ADCY7: variants seen among roughly 807,000 people sequenced by gnomAD.
ADCY7 encodes adenylate cyclase type 7.
A neutral mutation model predicts 120.6 loss-of-function variants in ADCY7; 72 were observed. The observed-to-expected ratio is 0.60, with a 90% confidence interval of 0.49 to 0.73. ADCY7 has a LOEUF of 0.73. ADCY7 is among the 30% of genes least tolerant of loss of function. ADCY7 has a pLI of 0.00. For synonymous variants in ADCY7, 661 were observed against 628.0 expected (o/e 1.05, Z -0.78); for missense variants, 1,227 against 1,486.0 (o/e 0.83, Z 2.87).
chr16:50,264,503 T>C (rs374460839), upstream of ADCY7, among the ~76,000 whole-genome samples: 1 of 152,226 alleles, frequency 6.6e-6, no homozygotes, highest in Admixed American at 6.5e-5. Flanking sequence ...TGCTGAGTCA[T>C]TGGGGAAGCA....
intron 1 of ADCY7, among the ~76,000 whole-genome samples, chr16:50,257,016 A>G (rs1355815375): frequency 6.6e-6 from 1 of 152,196 alleles, no homozygotes; most frequent in Non-Finnish European, 1.5e-5. Flanking sequence ...AACCTAATGG[A>G]CATTACACTA....
chr16:50,249,524 CT>C (rs1260917282), intron 1 of ADCY7, among the ~76,000 whole-genome samples: 1 of 152,232 alleles, frequency 6.6e-6, no homozygotes, highest in East Asian at 1.9e-4. Context: ...TGGGTTCCCC[CT>C]GAGCCCTGGT....
rs1447423859 is a variant in ADCY7 at position 50,312,875 on chromosome 16, T to G, written c.2605-15T>G. 1 of 1,608,910 alleles carries G rather than the reference T, an allele frequency of 6.2e-7. No individual in the cohort carries two copies. The highest frequency in any genetic ancestry group is 1.3e-5 in the African/African-American group (1 of 74,686). ...AGAGGTGAAGTGGTGTAAGGTCCGG[T>G]TTCTTCCCATCCAGGACTGGTACCA... On this transcript the variant is annotated splice_polypyrimidine_tract_variant and intron_variant, in intron 21 of 25. Transcript: ENST00000673801.
chr16:50,314,887 C>T (rs1487089777), intron 24 of ADCY7, 127 bp from the exon 25 acceptor site: 3 of 1,362,110 alleles, frequency 2.2e-6, no homozygotes, highest in Non-Finnish European at 3.0e-6. Context: ...TGGGAAGCAA[C>T]CCAGCCTTCA....
At chr16:50,251,775 C>T (rs2032763772) in intron 1 of ADCY7, among the ~76,000 whole-genome samples, 2 of 152,202 alleles carry the variant, frequency 1.3e-5, no homozygotes, top group Admixed American at 1.3e-4. Flanking sequence ...ATTGTCCCCG[C>T]CTGGCCTCCG....
At chr16:50,311,642 G>A in intron 19 of ADCY7, 51 bp from the exon 20 acceptor site, 7 of 1,305,262 alleles carry the variant, frequency 5.4e-6, no homozygotes, top group Non-Finnish European at 7.8e-6. Context: ...ATGACTCAGT[G>A]GGTTGGAGTG....
chr16:50,259,322 G>C (rs535044062), intron 1 of ADCY7, among the ~76,000 whole-genome samples: 144 of 152,352 alleles, frequency 9.5e-4, no homozygotes, highest in African/African-American at 3.2e-3. Flanking sequence ...TGAGGATCTG[G>C]TGGGAGGGAC....
intron 7 of ADCY7, among the ~76,000 whole-genome samples, chr16:50,295,490 G>T: frequency 6.6e-6 from 1 of 150,818 alleles, no homozygotes. Context: ...CACCACTCCT[G>T]GCCCACCTTA....
chr16:50,300,609 G>A (rs934871544), intron 8 of ADCY7, 106 bp from the exon 9 acceptor site: 29 of 1,355,528 alleles, frequency 2.1e-5, no homozygotes, highest in African/African-American at 4.3e-5. Context: ...TGGGCTGAGC[G>A]CCTGCCCTGT....
At chr16:50,291,967 C>T (rs2035009533) in intron 4 of ADCY7, 70 bp downstream of exon 4, 1 of 1,506,848 alleles carries the variant, frequency 6.6e-7, no homozygotes. Context: ...GGGGGGCCCC[C>T]TCTGGGTGAA....
At chr16:50,277,169 A>T (rs1041697094) in intron 1 of ADCY7, among the ~76,000 whole-genome samples, 1 of 152,148 alleles carries the variant, frequency 6.6e-6, no homozygotes, top group Non-Finnish European at 1.5e-5. Context: ...ATAGTATTCC[A>T]TTGTAAGGTT....
In ADCY7 at chr16:50,315,003, A is replaced by T; in HGVS notation, c.2972-11A>T. ...CCTGCACGCTTGGGTAACTGTAAAC[A>T]TCATCTTCAGGCATAAACCATGGGC... On this transcript the variant is annotated splice_polypyrimidine_tract_variant and intron_variant, in intron 24 of 25. Transcript: ENST00000673801. 1.2e-6 allele frequency: 2 copies of T among 1,614,096 alleles called. No homozygotes were observed. Among genetic ancestry groups the T allele is most frequent in the Non-Finnish European group, 1.7e-6 (2 of 1,179,974 alleles).
chr16:50,294,226 G>A (rs546862083), intron 6 of ADCY7, among the ~76,000 whole-genome samples: 26 of 152,286 alleles, frequency 1.7e-4, no homozygotes, highest in African/African-American at 5.1e-4. Context: ...GTGAGGACTC[G>A]ATGCCTGTAA....
chr16:50,307,172 G>A (rs748897553), intron 15 of ADCY7, 25 bp downstream of exon 15: 15 of 1,599,790 alleles, frequency 9.4e-6, no homozygotes, highest in East Asian at 2.2e-5. Flanking sequence ...GGGGTGTGGG[G>A]GTCCGGCCTG....
At chr16:50,266,412 G>T, upstream of ADCY7, 1 of 153,222 alleles carries the variant, frequency 6.5e-6, no homozygotes, top group South Asian at 1.8e-4. Context: ...CCCAGGCTGC[G>T]GAGAGCAGCA....
At chr16:50,287,132 C>T (rs1311160086) in intron 1 of ADCY7, among the ~76,000 whole-genome samples, 1 of 151,914 alleles carries the variant, frequency 6.6e-6, no homozygotes, top group Non-Finnish European at 1.5e-5. Flanking sequence ...TCTCCTGCCT[C>T]AGCTTCCCGA....
At chr16:50,311,360 C>T (rs992625365) in intron 19 of ADCY7, among the ~76,000 whole-genome samples, 7 of 152,130 alleles carry the variant, frequency 4.6e-5, no homozygotes, top group African/African-American at 1.2e-4. Context: ...GGGTCTGCCC[C>T]GCACCTGCAA....
intron 1 of ADCY7, among the ~76,000 whole-genome samples, chr16:50,270,230 A>ATAG (rs1390669190): frequency 9.6e-6 from 1 of 104,400 alleles, no homozygotes; most frequent in Non-Finnish European, 2.2e-5. Context: ...TAGATAGATA[A>ATAG]ACAGATAGAT....
rs1324981227 is a variant in ADCY7, at chr16:50,292,732, G to C, written c.594G>C (p.Lys198Asn). 6.2e-6 allele frequency: 10 copies of C among 1,613,900 alleles called. No individual in the cohort carries two copies. Among genetic ancestry groups the C allele is most frequent in the Non-Finnish European group, 8.5e-6 (10 of 1,180,010 alleles). The change falls in exon 5 of 26, where the codon AAG becomes AAC. Residue 198 changes from lysine (K) to asparagine (N), a missense_variant. Physicochemically the swap from Lys to Asn is moderately conservative, Grantham distance 94. Transcript: ENST00000673801. ...GGAACCTGACAGGCGCCTTCCACAAGCACCAAATGCAGGATGCATCCCGGG... is the reference window on the plus strand; with the variant it reads ...GGAACCTGACAGGCGCCTTCCACAACCACCAAATGCAGGATGCATCCCGGG... ...LCGNLTGAFH[K>N]HQMQDASRDL...
Sources: allele counts gnomAD v4.1 joint callset (sites outside exome capture counted in the v4.1 genomes callset), GRCh38; gene constraint gnomAD v4.1.1; transcripts MANE v1.5; gene names NCBI Gene and HGNC (gene_info 2026-07-23, HGNC 2026-07-21).